LUC7L2: variants seen among roughly 807,000 people sequenced by gnomAD.
The protein encoded by LUC7L2 is putative RNA-binding protein Luc7-like 2.
LUC7L2 carries 25 observed loss-of-function variants against 52.8 expected under a neutral mutation model. That is an observed-to-expected ratio of 0.47 (90% CI 0.34 to 0.66). The LOEUF (loss-of-function observed/expected upper bound fraction) is 0.66. Ranked by LOEUF, LUC7L2 falls within the 30% of genes least tolerant of loss-of-function variation. The pLI is 0.01. For missense variants in LUC7L2, 328 were observed against 497.8 expected (o/e 0.66, Z 3.25); for synonymous variants, 144 against 160.9 (o/e 0.89, Z 0.80).
intron 1 of LUC7L2, chr7:139,346,037 C>T (rs925998223): frequency 1.2e-5 from 2 of 170,904 alleles, no homozygotes; most frequent in African/African-American, 2.4e-5. Flanking sequence ...TGGGAGTTCG[C>T]GACCAGCCTG....
chr7:139,399,781 T>C (rs1473023381), intron 3 of LUC7L2, among the ~76,000 whole-genome samples: 1 of 152,078 alleles, frequency 6.6e-6, no homozygotes, highest in Non-Finnish European at 1.5e-5. Flanking sequence ...TTGGGGGATA[T>C]TAAGGACAGT....
At chr7:139,417,457 TTC>T in intron 8 of LUC7L2, 79 bp from the exon 9 acceptor site, 1 of 1,520,356 alleles carries the variant, frequency 6.6e-7, no homozygotes, top group Non-Finnish European at 8.8e-7. Flanking sequence ...GAAAAAAAGT[TTC>T]TCTTTAAAGA....
chr7:139,420,212 T>A (rs542643138), intron 9 of LUC7L2, among the ~76,000 whole-genome samples: 1 of 152,332 alleles, frequency 6.6e-6, no homozygotes, highest in Admixed American at 6.5e-5. Context: ...GTAATTTATT[T>A]TTTTTTTTGA....
intron 1 of LUC7L2, among the ~76,000 whole-genome samples, chr7:139,360,721 C>T: frequency 6.6e-6 from 1 of 152,152 alleles, no homozygotes; most frequent in East Asian, 1.9e-4. Context: ...TTGGGATCAT[C>T]CCTCGCCGCC....
At chr7:139,388,242 T>C (rs1794292371) in intron 2 of LUC7L2, among the ~76,000 whole-genome samples, 2 of 152,226 alleles carry the variant, frequency 1.3e-5, no homozygotes, top group African/African-American at 2.4e-5. Flanking sequence ...TTTTAACTTT[T>C]TCTAGTTTTC....
At chr7:139,417,861 T>A in intron 9 of LUC7L2, 132 bp downstream of exon 9, 5 of 1,226,262 alleles carry the variant, frequency 4.1e-6, no homozygotes, top group Non-Finnish European at 4.4e-6. Context: ...ATGTACACAT[T>A]TATGTGTGGG....
At chr7:139,361,497 G>A (rs1012339538) in intron 1 of LUC7L2, among the ~76,000 whole-genome samples, 1 of 152,228 alleles carries the variant, frequency 6.6e-6, no homozygotes, top group African/African-American at 2.4e-5. Context: ...GCAGTGCGTA[G>A]AGTGGCTTTT....
chr7:139,395,965 CT>C (rs879336012), intron 2 of LUC7L2, among the ~76,000 whole-genome samples: 17 of 152,030 alleles, frequency 1.1e-4, no homozygotes, highest in Non-Finnish European at 2.2e-4. Context: ...GTGTTTTTTA[CT>C]TTTTTTAATA....
chr7:139,381,241 C>CA (rs1800998442), intron 2 of LUC7L2, among the ~76,000 whole-genome samples: 1 of 152,038 alleles, frequency 6.6e-6, no homozygotes, highest in African/African-American at 2.4e-5. Context: ...TTAGGTAATT[C>CA]AGTTATCCAG....
At chr7:139,419,912 G>T (rs1299289813) in intron 9 of LUC7L2, among the ~76,000 whole-genome samples, 3 of 152,080 alleles carry the variant, frequency 2.0e-5, no homozygotes, top group Admixed American at 6.5e-5. Context: ...CCAGATAATT[G>T]CTGTTAAAAC....
intron 1 of LUC7L2, chr7:139,371,294 A>G: frequency 1.5e-6 from 1 of 672,100 alleles, no homozygotes; most frequent in Non-Finnish European, 2.7e-6. Flanking sequence ...GTACAGTGAA[A>G]TAGGATTCTG....
chr7:139,348,478 T>C (rs983882663), intron 1 of LUC7L2, among the ~76,000 whole-genome samples: 10 of 152,132 alleles, frequency 6.6e-5, no homozygotes, highest in African/African-American at 2.4e-4. Context: ...CCCAGCACTT[T>C]GAGCGGCCGA....
chr7:139,349,758 A>G (rs1204310501), intron 1 of LUC7L2, among the ~76,000 whole-genome samples: 1 of 152,208 alleles, frequency 6.6e-6, no homozygotes, highest in African/African-American at 2.4e-5. Flanking sequence ...ACGTATTCAA[A>G]GACTTGAATG....
chr7:139,361,275 C>T (rs1282390051), intron 1 of LUC7L2, among the ~76,000 whole-genome samples: 1 of 152,190 alleles, frequency 6.6e-6, no homozygotes. Flanking sequence ...ACAGCAAAAT[C>T]CTTGGTAGTT....
chr7:139,358,690 A>C (rs1021692260), upstream of LUC7L2, among the ~76,000 whole-genome samples: 1 of 152,072 alleles, frequency 6.6e-6, no homozygotes, highest in African/African-American at 2.4e-5. Context: ...TGTCTTACTT[A>C]AGGAATTTTT....
At chr7:139,360,752 A>G (rs1016857476) in intron 1 of LUC7L2, among the ~76,000 whole-genome samples, 4 of 152,126 alleles carry the variant, frequency 2.6e-5, no homozygotes, top group Non-Finnish European at 5.9e-5. Flanking sequence ...GTACCTAGAG[A>G]GAAGCTTCCC....
intron 8 of LUC7L2, chr7:139,417,085 G>A (rs1294713955): frequency 5.8e-5 from 9 of 154,460 alleles, no homozygotes; most frequent in Non-Finnish European, 1.0e-4. Context: ...TGCCCAGGCT[G>A]GACTGCAGCG....
At chr7:139,380,655 A>T (rs6467840) in intron 2 of LUC7L2, among the ~76,000 whole-genome samples, 58,584 of 152,094 alleles carry the variant, frequency 0.39, 15,778 homozygotes, top group African/African-American at 0.77. Flanking sequence ...TCTAGAATAT[A>T]TTCATATTGT....
chr7:139,355,705 C>T (rs933850732), upstream of LUC7L2, among the ~76,000 whole-genome samples: 11 of 151,902 alleles, frequency 7.2e-5, no homozygotes, highest in African/African-American at 2.4e-4. Flanking sequence ...CTTTGAAAGA[C>T]CAAGGTAAAA....
Sources: allele counts gnomAD v4.1 joint callset (sites outside exome capture counted in the v4.1 genomes callset), GRCh38; gene constraint gnomAD v4.1.1; transcripts MANE v1.5; gene names NCBI Gene and HGNC (gene_info 2026-07-23, HGNC 2026-07-21).